The following PRKCQ variants were observed in gnomAD, a reference collection of about 807,000 sequenced individuals.
PRKCQ encodes protein kinase C theta type.
PRKCQ carries 41 observed loss-of-function variants against 91.2 expected under a neutral mutation model. That is an observed-to-expected ratio of 0.45 (90% CI 0.35 to 0.58). The LOEUF is 0.58. Ranked by LOEUF, PRKCQ falls within the 20% of genes least tolerant of loss-of-function variation. PRKCQ has a pLI of 0.00. For synonymous variants in PRKCQ, 307 were observed against 316.9 expected, an observed-to-expected ratio of 0.97 and a Z score of 0.33; for missense variants, 673 against 896.5, an observed-to-expected ratio of 0.75 and a Z score of 3.18.
intron 15 of PRKCQ, among the ~76,000 whole-genome samples, chr10:6,447,449 C>T (rs953033184): frequency 7.2e-5 from 11 of 151,862 alleles, no homozygotes; most frequent in Non-Finnish European, 1.5e-4. Flanking sequence ...GTTTAACTGC[C>T]TTCCTATTCT....
rs1840544815 is a variant in PRKCQ at position 6,559,548 on chromosome 10, G to A, written c.-10+20663C>T. On this transcript the variant is annotated intron_variant, in intron 1 of 17. Coordinates refer to ENST00000263125, the MANE Select transcript of PRKCQ (RefSeq NM_006257.5). Reference sequence around the variant, plus strand: ...TAATTTTTATATTTTTAGTAGAGATGGGATTTCGCCAAGTTGGCCAGGATG... The same window carrying A: ...TAATTTTTATATTTTTAGTAGAGATAGGATTTCGCCAAGTTGGCCAGGATG... 2.6e-5 allele frequency among the ~76,000 whole-genome samples: 4 copies of A among 152,038 alleles called. No homozygotes were observed. The South Asian group carries it at 8.3e-4, about 32-fold the overall frequency.
rs145719443 is a variant in PRKCQ, at chr10:6,515,441, T to C, written c.-9-297A>G. On this transcript the variant is annotated intron_variant, in intron 1 of 17. Coordinates refer to ENST00000263125, the MANE Select transcript of PRKCQ (RefSeq NM_006257.5). The stretch of plus-strand genomic sequence containing the variant: ...AACCTAATGGAGTTAGGCCCAATGG[T>C]TGGAGAGTGAGGCAAAAGTTTTCCA... 1.1e-4 allele frequency: 110 copies of C among 985,392 alleles called. 1 individual carries two copies. In the East Asian group the frequency reaches 9.0e-3, roughly 80 times the overall value. 61.0% of individuals were successfully genotyped at this position (985,392 alleles called of 1,614,324 possible).
rs137985198 is a variant in PRKCQ, at chr10:6,559,007, G to C, written c.-10+21204C>G. Among the ~76,000 whole-genome samples the C allele has an allele frequency of 9.7e-3, 1,470 of 152,290 alleles. 19 individuals carry two copies. Among genetic ancestry groups the C allele is most frequent in the African/African-American group, 0.034 (1,409 of 41,548 alleles). On this transcript the variant is annotated intron_variant, in intron 1 of 17. Coordinates refer to ENST00000263125, the MANE Select transcript of PRKCQ (RefSeq NM_006257.5). Reference sequence around the variant, plus strand: ...AAGCAGGGCAGAAGGTGAGAGCTTGGGCCTGGGCTGCATGAGTGGGAATTA... The same window carrying C: ...AAGCAGGGCAGAAGGTGAGAGCTTGCGCCTGGGCTGCATGAGTGGGAATTA...
intron 15 of PRKCQ, among the ~76,000 whole-genome samples, chr10:6,450,507 C>T (rs2132288430): frequency 6.6e-6 from 1 of 152,304 alleles, no homozygotes; most frequent in East Asian, 1.9e-4. Context: ...CCACTGTCAA[C>T]ATTAGACAGA....
chr10:6,544,652 T>C lies in PRKCQ; in HGVS notation c.-9-29508A>G, dbSNP rs1217359991. On this transcript the variant is annotated intron_variant, in intron 1 of 17. Coordinates refer to ENST00000263125, the MANE Select transcript of PRKCQ (RefSeq NM_006257.5). ...TTTTTTTTTTTTTTTGAGGAGTCTC[T>C]TTCTATCGCATAGGCTGGAGTGCAG... is the stretch of plus-strand genomic sequence containing the variant. Among the ~76,000 whole-genome samples, 3 of 151,400 alleles carry C rather than the reference T, an allele frequency of 2.0e-5. No homozygotes were observed. The East Asian group carries it at 5.8e-4, about 29-fold the overall frequency.
chr10:6,437,738 G>A lies in PRKCQ; in HGVS notation c.1836+4155C>T, dbSNP rs143306899. ...GTGATCTCGGTTCACTACAAGCTCC[G>A]CCTCCCGGGTTCACACCATTTTCCT... On this transcript the variant is annotated intron_variant, in intron 16 of 17. Coordinates refer to ENST00000263125, the MANE Select transcript of PRKCQ (RefSeq NM_006257.5). 3.3e-4 allele frequency among the ~76,000 whole-genome samples: 49 copies of A among 150,142 alleles called. No individual in the cohort carries two copies. The East Asian group carries it at 7.3e-3, about 22-fold the overall frequency.
At chr10:6,557,473 C>G (rs1840466327) in intron 1 of PRKCQ, among the ~76,000 whole-genome samples, 2 of 152,152 alleles carry the variant, frequency 1.3e-5, no homozygotes, top group Non-Finnish European at 2.9e-5. Flanking sequence ...CTCTCCTGCT[C>G]TCCTTCCCTC....
At position 6,552,798 on chromosome 10, in the gene PRKCQ, C is replaced by T. The variant is rs1308804555; in HGVS notation, c.-10+27413G>A. 3.9e-5 allele frequency among the ~76,000 whole-genome samples: 6 copies of T among 152,160 alleles called. No homozygotes were observed. In the South Asian group the frequency reaches 6.2e-4, roughly 16 times the overall value. ...TTTACTCTAAGAATTATTTTATTCT[C>T]TTAAAAATTGTGAGAAAAACAAAGA... On this transcript the variant is annotated intron_variant, in intron 1 of 17. Coordinates refer to ENST00000263125, the MANE Select transcript of PRKCQ (RefSeq NM_006257.5).
chr10:6,413,589 CACACACACACACACACACTAGGAA>C, the PRKCQ span, among the ~76,000 whole-genome samples: 22 of 3,326 alleles, frequency 6.6e-3, 5 homozygotes, highest in African/African-American at 8.8e-3. Flanking sequence ...GCCACTTGTG[CACACACACACACACACACTAGGAA>C]GCACTGGATT....
intron 8 of PRKCQ, 63 bp from the exon 9 acceptor site, chr10:6,486,207 C>G: frequency 7.3e-7 from 1 of 1,365,180 alleles, no homozygotes; most frequent in Non-Finnish European, 1.0e-6. Context: ...AAACAACTCT[C>G]TCTGGAGGTA....
chr10:6,535,301 A>T (rs1381886542), intron 1 of PRKCQ, among the ~76,000 whole-genome samples: 1 of 152,224 alleles, frequency 6.6e-6, no homozygotes, highest in East Asian at 1.9e-4. Flanking sequence ...TATCTAAGCC[A>T]TAGTTCCTGT....
At chr10:6,437,896 G>A (rs896782543) in intron 16 of PRKCQ, among the ~76,000 whole-genome samples, 3 of 152,034 alleles carry the variant, frequency 2.0e-5, no homozygotes, top group African/African-American at 4.8e-5. Context: ...CTCATGACCC[G>A]CCCATCTCGG....
intron 12 of PRKCQ, among the ~76,000 whole-genome samples, chr10:6,472,402 C>T (rs1836030901): frequency 6.6e-6 from 1 of 152,156 alleles, no homozygotes; most frequent in Non-Finnish European, 1.5e-5. Flanking sequence ...TCCAAGAATT[C>T]CTGAATATGT....
chr10:6,445,210 A>AGAT (rs1834213522), intron 15 of PRKCQ, among the ~76,000 whole-genome samples: 1 of 149,006 alleles, frequency 6.7e-6, no homozygotes, highest in South Asian at 2.1e-4. Flanking sequence ...GAGCTTTTTT[A>AGAT]GATGGAGCAG....
rs983665681 is a variant in PRKCQ at position 6,427,545 on chromosome 10, G to A, written c.*662C>T. 3 of 152,372 alleles carry A rather than the reference G, an allele frequency of 2.0e-5. No individual in the cohort carries two copies. Among genetic ancestry groups the A allele is most frequent in the African/African-American group, 7.2e-5 (3 of 41,438 alleles). 9.4% of individuals were successfully genotyped at this position (152,372 alleles called of 1,614,324 possible). A position where few individuals can be genotyped will look rare whatever the true frequency, so the allele number is the denominator to read the frequency against. The stretch of plus-strand genomic sequence containing the variant: ...CTTTTCTATCTTGACAAGATAACAA[G>A]CGAAGGTGTCTAGCAAACCTTCCCT... On this transcript the variant is annotated 3_prime_UTR_variant, in exon 18 of 18. Coordinates refer to ENST00000263125, the MANE Select transcript of PRKCQ (RefSeq NM_006257.5).
intron 1 of PRKCQ, among the ~76,000 whole-genome samples, chr10:6,535,736 C>G (rs761364619): frequency 1.3e-4 from 20 of 152,118 alleles, no homozygotes; most frequent in African/African-American, 4.1e-4. Flanking sequence ...AGTCTCCCCT[C>G]GCCGCGCCTC....
At chr10:6,426,920 G>GAGAC (rs1048103533), downstream of PRKCQ, among the ~76,000 whole-genome samples, 24 of 152,266 alleles carry the variant, frequency 1.6e-4, no homozygotes, top group African/African-American at 5.3e-4. Context: ...ATTTTTAGTA[G>GAGAC]AGACAGGGTT....
intron 16 of PRKCQ, among the ~76,000 whole-genome samples, chr10:6,440,472 G>A (rs1833914750): frequency 6.6e-6 from 1 of 152,218 alleles, no homozygotes; most frequent in Admixed American, 6.5e-5. Context: ...AGGGGTAGGA[G>A]GCTGCCAGCC....
intron 14 of PRKCQ, among the ~76,000 whole-genome samples, chr10:6,460,648 C>T (rs949379223): frequency 2.6e-5 from 4 of 152,134 alleles, no homozygotes; most frequent in Non-Finnish European, 5.9e-5. Context: ...AGGGCCACTA[C>T]ACCCAGCTAA....
Sources: gnomAD v4.1 joint callset for allele counts (sites outside exome capture counted in the v4.1 genomes callset) on GRCh38, gnomAD v4.1.1 for gene constraint, MANE v1.5 for transcripts, NCBI Gene and HGNC (gene_info 2026-07-23, HGNC 2026-07-21) for gene names.